SPI1: variants seen among roughly 807,000 people sequenced by gnomAD.
SPI1 encodes Spi-1 proto-oncogene.
SPI1 carries 3 observed loss-of-function variants against 30.7 expected under a neutral mutation model. The observed-to-expected ratio is 0.10, with a 90% CI of 0.04 to 0.25. The LOEUF is 0.25. Ranked by LOEUF, SPI1 falls within the 10% of genes least tolerant of loss-of-function variation. The probability of loss-of-function intolerance (pLI) is 1.00; values close to 1 mark genes in which losing one functional copy is unlikely to be tolerated. For missense variants in SPI1, 261 were observed against 371.5 expected (o/e 0.70, Z 2.45); for synonymous variants, 169 against 157.1 (o/e 1.08, Z -0.56).
rs181251843 is a variant in SPI1, at chr11:47,369,745, A to G, written c.142+5888T>C. ...AACTTAGATTTCCATACACAGCCAA[A>G]CTATGATTAATTAAGTGACAGCATA... On this transcript the variant is annotated intron_variant, in intron 2 of 4. Coordinates refer to ENST00000378538, the MANE Select transcript of SPI1 (RefSeq NM_003120.3). Among the ~76,000 whole-genome samples, 11 of 152,330 alleles carry G rather than the reference A, an allele frequency of 7.2e-5. No individual in the cohort carries two copies. In the East Asian group the frequency reaches 1.9e-3, roughly 27 times the overall value.
At chr11:47,358,221 T>A (rs1471818359) in intron 4 of SPI1, 3 of 310,982 alleles carry the variant, frequency 9.6e-6, no homozygotes, top group Non-Finnish European at 1.9e-5. Flanking sequence ...ATCACACACA[T>A]CCCTGCTTAC....
At chr11:47,376,561 C>T (rs2095942578) in intron 1 of SPI1, among the ~76,000 whole-genome samples, 1 of 151,816 alleles carries the variant, frequency 6.6e-6, no homozygotes, top group Non-Finnish European at 1.5e-5. Context: ...CACTGCATCC[C>T]CCTCCCCGTC....
At chr11:47,358,739 A>G (rs182990413) in intron 4 of SPI1, 105 bp downstream of exon 4, 14,803 of 1,128,848 alleles carry the variant, frequency 0.013, 131 homozygotes, top group Non-Finnish European at 0.016. Flanking sequence ...ACACACACAC[A>G]CGCGACTCGG....
intron 4 of SPI1, among the ~76,000 whole-genome samples, chr11:47,356,940 A>G (rs2095911240): frequency 1.3e-5 from 2 of 149,238 alleles, no homozygotes. Flanking sequence ...CCATTCACTC[A>G]CGCACACACC....
chr11:47,368,877 A>G (rs1036660842), intron 2 of SPI1, among the ~76,000 whole-genome samples: 3 of 152,230 alleles, frequency 2.0e-5, no homozygotes, highest in African/African-American at 7.2e-5. Context: ...TCACAGAACT[A>G]TACACTTAAA....
intron 2 of SPI1, among the ~76,000 whole-genome samples, chr11:47,365,923 C>T (rs546191629): frequency 6.6e-6 from 1 of 152,294 alleles, no homozygotes; most frequent in African/African-American, 2.4e-5. Flanking sequence ...TCTCAAACTC[C>T]TGACCTTGTG....
At chr11:47,360,174 G>T in intron 2 of SPI1, 134 bp from the exon 3 acceptor site, 1 of 765,034 alleles carries the variant, frequency 1.3e-6, no homozygotes, top group Non-Finnish European at 2.0e-6. Flanking sequence ...CACCTGCATG[G>T]TTACTCTAGG....
At chr11:47,376,823 TGCCTTGGGAGC>T (rs1255017896) in intron 1 of SPI1, among the ~76,000 whole-genome samples, 2 of 152,102 alleles carry the variant, frequency 1.3e-5, no homozygotes, top group Admixed American at 1.3e-4. Context: ...GGACCGGGGC[TGCCTTGGGAGC>T]CCACCCTACC....
At position 47,358,915 on chromosome 11, in the gene SPI1, G is replaced by T; in HGVS notation, c.422C>A (p.Pro141His). ...CTCGCCGTCAGACACCTCCAGTGGG[G>T]GGCTCTGCCGCTCGCCCTCCTCCTC... ...SDEEEGERQS[P>H]PLEVSDGEAD... is the part of the protein sequence containing the mutation. The change falls in exon 4 of 5, where the codon CCC (proline) becomes CAC (histidine). Residue 141 changes from proline to histidine, a missense_variant. Coordinates refer to ENST00000378538, the MANE Select transcript of SPI1 (RefSeq NM_003120.3). The T allele has an allele frequency of 6.4e-7, 1 of 1,563,024 alleles. No homozygotes were observed. Among genetic ancestry groups the T allele is most frequent in the South Asian group, 1.2e-5 (1 of 82,596 alleles).
At chr11:47,373,082 G>A (rs1173176023) in intron 2 of SPI1, among the ~76,000 whole-genome samples, 1 of 152,238 alleles carries the variant, frequency 6.6e-6, no homozygotes, top group Non-Finnish European at 1.5e-5. Flanking sequence ...GCCGGGCGCA[G>A]TGGCTCACGC....
intron 2 of SPI1, among the ~76,000 whole-genome samples, chr11:47,364,775 A>C (rs778801318): frequency 7.2e-5 from 11 of 152,152 alleles, no homozygotes; most frequent in Non-Finnish European, 1.3e-4. Flanking sequence ...GTCTCAGTCC[A>C]CCATCATCCA....
At chr11:47,363,830 C>T (rs1249862335) in intron 2 of SPI1, among the ~76,000 whole-genome samples, 1 of 151,330 alleles carries the variant, frequency 6.6e-6, no homozygotes, top group Non-Finnish European at 1.5e-5. Context: ...GGCCTGATGG[C>T]AGGTGCCTGT....
chr11:47,357,404 C>G (rs1015448902), intron 4 of SPI1, among the ~76,000 whole-genome samples: 1 of 152,116 alleles, frequency 6.6e-6, no homozygotes, highest in Non-Finnish European at 1.5e-5. Flanking sequence ...ATACATTCTG[C>G]TCATGCATAT....
rs2095945332 is a variant in SPI1, at chr11:47,378,418, A to G, written c.-65T>C. ...GGGGGCCAATGCAGAGCCCCTCAGG[A>G]TGGGGTGCCCCGTCAGGGGCTGGAC... On this transcript the variant is annotated 5_prime_UTR_variant, in exon 1 of 5. Transcript: ENST00000378538. 1.3e-6 allele frequency: 2 copies of G among 1,557,698 alleles called. No individual in the cohort carries two copies. The highest frequency in any genetic ancestry group is 1.7e-6 in the Non-Finnish European group (2 of 1,143,968).
At chr11:47,357,217 A>G (rs1359271212) in intron 4 of SPI1, among the ~76,000 whole-genome samples, 1 of 150,260 alleles carries the variant, frequency 6.7e-6, no homozygotes, top group African/African-American at 2.5e-5. Context: ...CTGCACACAC[A>G]CATGCTCACA....
intron 2 of SPI1, among the ~76,000 whole-genome samples, chr11:47,364,827 G>A (rs1340657393): frequency 1.3e-5 from 2 of 152,160 alleles, no homozygotes; most frequent in South Asian, 2.1e-4. Flanking sequence ...GTGGGATCCT[G>A]CTGGAGACCC....
chr11:47,368,835 G>A (rs1474159581), intron 2 of SPI1, among the ~76,000 whole-genome samples: 2 of 151,938 alleles, frequency 1.3e-5, no homozygotes, highest in African/African-American at 4.8e-5. Flanking sequence ...TTATAGAGAT[G>A]GATGGTGATG....
chr11:47,378,257 G>A, intron 1 of SPI1, 52 bp downstream of exon 1: 1 of 1,587,006 alleles, frequency 6.3e-7, no homozygotes, highest in Non-Finnish European at 8.6e-7. Flanking sequence ...GGGCAGGCAG[G>A]CAGGCGTCCG....
At chr11:47,358,765 G>A in intron 4 of SPI1, 79 bp downstream of exon 4, 1 of 1,420,354 alleles carries the variant, frequency 7.0e-7, no homozygotes, top group Non-Finnish European at 9.7e-7. Flanking sequence ...TGGCTGCTGG[G>A]TCAGTTGGCC....
Sources: gnomAD v4.1 joint callset for allele counts (sites outside exome capture counted in the v4.1 genomes callset) on GRCh38, gnomAD v4.1.1 for gene constraint, MANE v1.5 for transcripts, NCBI Gene and HGNC (gene_info 2026-07-23, HGNC 2026-07-21) for gene names.